The following PTPRN2 variants were observed in gnomAD, a reference collection of about 807,000 sequenced individuals.
The protein encoded by PTPRN2 is protein tyrosine phosphatase receptor type N2.
A neutral mutation model predicts 118.8 loss-of-function variants in PTPRN2; 74 were observed. The ratio of observed to expected loss-of-function variants is 0.62; its 90% CI spans 0.52 to 0.76. PTPRN2 has a LOEUF of 0.76. PTPRN2 is among the 30% of genes least tolerant of loss of function. The probability of loss-of-function intolerance (pLI) is 0.00; values close to 1 mark genes in which losing one functional copy is unlikely to be tolerated. For missense variants in PTPRN2, 1,481 were observed against 1,394.4 expected (o/e 1.06, Z -0.99); for synonymous variants, 641 against 608.0 (o/e 1.05, Z -0.80).
chr7:158,060,688 C>A (rs60269997), intron 11 of PTPRN2, among the ~76,000 whole-genome samples: 12,600 of 152,216 alleles, frequency 0.083, 1,203 homozygotes, highest in African/African-American at 0.24. Context: ...AGGTGTCACC[C>A]AGAAATGGTT....
intron 1 of PTPRN2, among the ~76,000 whole-genome samples, chr7:158,500,932 G>T (rs1386232610): frequency 1.3e-5 from 2 of 152,234 alleles, no homozygotes; most frequent in African/African-American, 4.8e-5. Flanking sequence ...CTCACGCGGC[G>T]GGTCAGGCAA....
rs561960994 is a variant in PTPRN2, at chr7:158,058,138, G to A, written c.1723+23160C>T. 2.0e-4 allele frequency among the ~76,000 whole-genome samples: 31 copies of A among 151,710 alleles called. No homozygotes were observed. In the East Asian group the frequency reaches 2.5e-3, roughly 12 times the overall value. The stretch of plus-strand genomic sequence containing the variant: ...GAATCACTACACTCCATCTGCGCAC[G>A]GTGACGCATCACTGCAGCCACACTC... On this transcript the variant is annotated intron_variant, in intron 11 of 22. Coordinates refer to ENST00000389418, the MANE Select transcript of PTPRN2 (RefSeq NM_002847.5).
intron 11 of PTPRN2, among the ~76,000 whole-genome samples, chr7:157,932,722 G>A (rs952875917): frequency 6.6e-6 from 1 of 151,308 alleles, no homozygotes; most frequent in African/African-American, 2.4e-5. Flanking sequence ...TAAGAGGAGG[G>A]GTGAGTCACT....
intron 11 of PTPRN2, among the ~76,000 whole-genome samples, chr7:157,983,807 T>C (rs973391447): frequency 6.6e-6 from 1 of 152,174 alleles, no homozygotes; most frequent in African/African-American, 2.4e-5. Context: ...AAGTGGAAAT[T>C]GTCTGGACGT....
At chr7:158,118,822 C>G (rs1353484402) in intron 9 of PTPRN2, among the ~76,000 whole-genome samples, 1 of 152,174 alleles carries the variant, frequency 6.6e-6, no homozygotes, top group African/African-American at 2.4e-5. Context: ...CCCACCTCAG[C>G]CTTCCCATTT....
chr7:157,985,290 C>T (rs185377582), intron 11 of PTPRN2, among the ~76,000 whole-genome samples: 1 of 152,330 alleles, frequency 6.6e-6, no homozygotes, highest in East Asian at 1.9e-4. Context: ...ACCAATTTAT[C>T]GGTCTAAACT....
At position 158,003,030 on chromosome 7, in the gene PTPRN2, C is replaced by T. The variant is rs1376491337; in HGVS notation, c.1723+78268G>A. Among the ~76,000 whole-genome samples, 1 of 152,166 alleles carries T rather than the reference C, an allele frequency of 6.6e-6. No homozygotes were observed. Among genetic ancestry groups the T allele is most frequent in the Non-Finnish European group, 1.5e-5 (1 of 68,036 alleles). On this transcript the variant is annotated intron_variant, in intron 11 of 22. Coordinates refer to ENST00000389418, the MANE Select transcript of PTPRN2 (RefSeq NM_002847.5). The surrounding 1 kb of genome is among the most constrained non-coding windows in gnomAD (Gnocchi z 5.0). Reference sequence around the variant, plus strand: ...ACAGGAGAGGGCAGGAGATGTTTGGCTTCTGTCATGAGCTGACCTGTGTCC... The same window carrying T: ...ACAGGAGAGGGCAGGAGATGTTTGGTTTCTGTCATGAGCTGACCTGTGTCC...
At chr7:158,058,810 G>A (rs866421730) in intron 11 of PTPRN2, among the ~76,000 whole-genome samples, 4,939 of 47,236 alleles carry the variant, frequency 0.1, 21 homozygotes, top group Admixed American at 0.21. Context: ...ACACAGTGAC[G>A]CATCACTGCA....
intron 12 of PTPRN2, among the ~76,000 whole-genome samples, chr7:157,723,015 G>A (rs1289459995): frequency 3.3e-5 from 5 of 152,284 alleles, no homozygotes; most frequent in African/African-American, 7.2e-5. Flanking sequence ...ACCATTTCCC[G>A]GAAACCCAGA....
At chr7:158,530,176 G>A (rs1825114397) in intron 1 of PTPRN2, among the ~76,000 whole-genome samples, 1 of 152,170 alleles carries the variant, frequency 6.6e-6, no homozygotes, top group Non-Finnish European at 1.5e-5. Context: ...TCCCTGGCTA[G>A]TCCATCAAAG....
intron 2 of PTPRN2, among the ~76,000 whole-genome samples, chr7:158,461,495 C>CAAAA (rs71200029): frequency 2.2e-5 from 3 of 133,892 alleles, no homozygotes; most frequent in South Asian, 5.0e-4. Flanking sequence ...GACTCCGTCT[C>CAAAA]AAAAAAAAAA....
At chr7:158,226,368 G>A (rs1828777130) in intron 3 of PTPRN2, among the ~76,000 whole-genome samples, 1 of 152,194 alleles carries the variant, frequency 6.6e-6, no homozygotes, top group South Asian at 2.1e-4. Flanking sequence ...AGGTTGGCTA[G>A]GTCACTGGGG....
chr7:158,403,838 A>G (rs1328446538), intron 2 of PTPRN2, among the ~76,000 whole-genome samples: 1 of 152,052 alleles, frequency 6.6e-6, no homozygotes, highest in Admixed American at 6.5e-5. Context: ...AAAAACCATG[A>G]TGGCTGGAAA....
At chr7:158,577,128 C>A (rs1255016402) in intron 1 of PTPRN2, among the ~76,000 whole-genome samples, 2 of 135,186 alleles carry the variant, frequency 1.5e-5, no homozygotes, top group Non-Finnish European at 3.2e-5. Flanking sequence ...GCTCCCAGCC[C>A]TCCTGAATGC....
chr7:157,691,761 G>C (rs1299609060), intron 12 of PTPRN2, among the ~76,000 whole-genome samples: 1 of 152,180 alleles, frequency 6.6e-6, no homozygotes, highest in Non-Finnish European at 1.5e-5. Context: ...GCTCCCAGTC[G>C]TTCGAGCCTG....
rs984362230 is a variant in PTPRN2 at position 157,583,376 on chromosome 7, A to G, written c.2497-5236T>C. On this transcript the variant is annotated intron_variant, in intron 17 of 22. Coordinates refer to ENST00000389418, the MANE Select transcript of PTPRN2 (RefSeq NM_002847.5). This position sits in a 1 kb window ranked among gnomAD's most constrained non-coding sequence, Gnocchi z 5.5. ...AGTAACTTCCAGTAGAGGACAGCTGAATTCTGGAGACCTGGCATTCAGCAT... is the reference window on the plus strand; with the variant it reads ...AGTAACTTCCAGTAGAGGACAGCTGGATTCTGGAGACCTGGCATTCAGCAT... 2.0e-5 allele frequency among the ~76,000 whole-genome samples: 3 copies of G among 152,116 alleles called. No individual in the cohort carries two copies. The highest frequency in any genetic ancestry group is 4.4e-5 in the Non-Finnish European group (3 of 67,996).
chr7:157,548,272 T>C (rs777144284), intron 22 of PTPRN2, among the ~76,000 whole-genome samples: 4 of 152,014 alleles, frequency 2.6e-5, no homozygotes, highest in Non-Finnish European at 4.4e-5. Context: ...GAATAAAATA[T>C]AGTGTCCCAA....
chr7:158,477,968 A>G (rs552801747), intron 2 of PTPRN2, among the ~76,000 whole-genome samples: 1 of 152,340 alleles, frequency 6.6e-6, no homozygotes, highest in South Asian at 2.1e-4. Context: ...GGAAAGAGGG[A>G]GGCACCTGAA....
chr7:158,123,448 G>A (rs754319280), intron 9 of PTPRN2, among the ~76,000 whole-genome samples: 3 of 152,136 alleles, frequency 2.0e-5, no homozygotes, highest in Non-Finnish European at 4.4e-5. Context: ...TGGATCCCCT[G>A]CACGCCCACT....
Sources: allele counts gnomAD v4.1 joint callset (sites outside exome capture counted in the v4.1 genomes callset), GRCh38; gene constraint gnomAD v4.1.1; non-coding constraint Gnocchi (gnomAD v3.1); transcripts MANE v1.5; gene names NCBI Gene and HGNC (gene_info 2026-07-23, HGNC 2026-07-21).